The following ABCG2 variants were observed in gnomAD, a reference collection of about 807,000 sequenced individuals.
The protein encoded by ABCG2 is ATP binding cassette subfamily G member 2 (JR blood group), also known as broad substrate specificity ATP-binding cassette transporter ABCG2.
A neutral mutation model predicts 73.5 loss-of-function variants in ABCG2; 80 were observed. That is an observed-to-expected ratio of 1.09 (90% confidence interval 0.91 to 1.31). ABCG2 has a LOEUF of 1.31. Among genes scored for constraint, ABCG2 ranks in the 50% most tolerant of loss-of-function variants. ABCG2 has a pLI of 0.00. For synonymous variants in ABCG2, 269 were observed against 282.4 expected (o/e 0.95, Z 0.48); for missense variants, 796 against 786.2 (o/e 1.01, Z -0.15).
intron 1 of ABCG2, among the ~76,000 whole-genome samples, chr4:88,182,533 T>A (rs1456524897): frequency 6.6e-6 from 1 of 151,824 alleles, no homozygotes; most frequent in African/African-American, 2.4e-5. Flanking sequence ...CAAAAAAAAA[T>A]CACAATTACC....
rs548718998 is a variant in ABCG2, at chr4:88,102,817, C to A, written c.1278-1498G>T. Among the ~76,000 whole-genome samples the A allele has an allele frequency of 2.6e-5, 4 of 151,958 alleles. No homozygotes were observed. In the East Asian group the frequency reaches 7.7e-4, roughly 29 times the overall value. On this transcript the variant is annotated intron_variant, in intron 10 of 15. Transcript: ENST00000237612. Reference sequence around the variant, plus strand: ...AAGAGAACATTTTAAAAAATGCAAACCCAAGTGAACAACACAATTACATTA... The same window carrying A: ...AAGAGAACATTTTAAAAAATGCAAAACCAAGTGAACAACACAATTACATTA...
At chr4:88,110,243 T>C (rs1179496542) in intron 9 of ABCG2, among the ~76,000 whole-genome samples, 1 of 152,182 alleles carries the variant, frequency 6.6e-6, no homozygotes, top group African/African-American at 2.4e-5. Flanking sequence ...TTACCTTTTT[T>C]TTTAAGATAG....
At chr4:88,192,190 A>G (rs1728717695) in intron 1 of ABCG2, among the ~76,000 whole-genome samples, 1 of 152,026 alleles carries the variant, frequency 6.6e-6, no homozygotes, top group South Asian at 2.1e-4. Context: ...CAAGAAAAAA[A>G]AAAAAAAGAA....
upstream of ABCG2, among the ~76,000 whole-genome samples, chr4:88,161,946 GT>G (rs1249727135): frequency 6.7e-6 from 1 of 149,052 alleles, no homozygotes; most frequent in African/African-American, 2.5e-5. Context: ...TTCTTCATGT[GT>G]TTTTTGGCTG....
At chr4:88,095,058 C>T (rs1429162013) in intron 14 of ABCG2, among the ~76,000 whole-genome samples, 1 of 152,182 alleles carries the variant, frequency 6.6e-6, no homozygotes, top group Non-Finnish European at 1.5e-5. Context: ...AGTTGTAATT[C>T]TTGGATGTTA....
At chr4:88,112,713 C>T (rs960440498) in intron 9 of ABCG2, among the ~76,000 whole-genome samples, 8 of 152,132 alleles carry the variant, frequency 5.3e-5, no homozygotes, top group Non-Finnish European at 1.0e-4. Context: ...GCTGACACTT[C>T]TTTCACAATT....
intron 7 of ABCG2, among the ~76,000 whole-genome samples, chr4:88,115,761 C>A (rs1723534904): frequency 1.3e-5 from 2 of 152,042 alleles, no homozygotes; most frequent in South Asian, 4.2e-4. Context: ...TGGTGCTTAA[C>A]AGTACTTCCT....
intron 1 of ABCG2, 138 bp from the exon 2 acceptor site, chr4:88,140,152 C>T (rs1725532179): frequency 4.1e-6 from 3 of 724,776 alleles, no homozygotes; most frequent in East Asian, 5.5e-5. Flanking sequence ...TGGCCCATAC[C>T]ATTGTGATAA....
rs1479738153 is a variant in ABCG2 at position 88,091,122 on chromosome 4, T to C, written c.*1112A>G. 6.6e-6 allele frequency: 1 copy of C among 152,170 alleles called. No individual in the cohort carries two copies. Among genetic ancestry groups the C allele is most frequent in the Middle Eastern group, 3.1e-3 (1 of 318 alleles). 9.4% of individuals were successfully genotyped at this position (152,170 alleles called of 1,614,324 possible). A position where few individuals can be genotyped will look rare whatever the true frequency, so the allele number is the denominator to read the frequency against. On this transcript the variant is annotated 3_prime_UTR_variant, in exon 16 of 16. Coordinates refer to ENST00000237612, the MANE Select transcript of ABCG2 (RefSeq NM_004827.3). The stretch of plus-strand genomic sequence containing the variant: ...AACCCAGGGGTAAGGAAGGAAGTAG[T>C]GACTGGGAGAATGGCTGAGTAGGCT...
rs574003130 is a variant in ABCG2 at position 88,113,136 on chromosome 4, A to G, written c.1194+167T>C. 9.7e-4 allele frequency among the ~76,000 whole-genome samples: 148 copies of G among 152,302 alleles called. 1 individual carries two copies. The highest frequency in any genetic ancestry group is 3.4e-3 in the African/African-American group (142 of 41,572). On this transcript the variant is annotated intron_variant, in intron 9 of 15. Transcript: ENST00000237612. ...AAAAAAAGGGAAGCTTTCCAAAAGTAAAACTTAATTGTCCTTTATTTGTTC... is the reference window on the plus strand; with the variant it reads ...AAAAAAAGGGAAGCTTTCCAAAAGTGAAACTTAATTGTCCTTTATTTGTTC...
intron 7 of ABCG2, among the ~76,000 whole-genome samples, chr4:88,117,605 C>G (rs542312468): frequency 1.9e-4 from 29 of 152,264 alleles, no homozygotes; most frequent in African/African-American, 6.5e-4. Flanking sequence ...TCACTGCACT[C>G]CAGCCTGGGC....
At chr4:88,104,298 A>G (rs1722628916) in intron 10 of ABCG2, among the ~76,000 whole-genome samples, 1 of 152,208 alleles carries the variant, frequency 6.6e-6, no homozygotes, top group South Asian at 2.1e-4. Context: ...AAAGAAGAGA[A>G]CTAAACCACT....
intron 1 of ABCG2, among the ~76,000 whole-genome samples, chr4:88,195,510 C>T (rs1428599032): frequency 6.6e-6 from 1 of 152,134 alleles, no homozygotes; most frequent in Admixed American, 6.6e-5. Flanking sequence ...TCTGCAGCAA[C>T]CTCAGTTCTT....
intron 1 of ABCG2, among the ~76,000 whole-genome samples, chr4:88,158,048 C>T (rs932791101): frequency 6.6e-6 from 1 of 152,190 alleles, no homozygotes; most frequent in Non-Finnish European, 1.5e-5. Flanking sequence ...ACAAATGTTT[C>T]CTCCACCTAT....
chr4:88,097,542 C>G lies in ABCG2; in HGVS notation c.1558G>C (p.Ala520Pro). Residue 520 changes from alanine to proline, a missense_variant, in exon 13 of 16, where the codon GCC (alanine) becomes CCC (proline). By Grantham distance (27) the Ala-to-Pro change is conservative. Transcript: ENST00000237612. ...GCTATGGCCAGTGCCATGGAACTGG[C>G]TGAATAAGCCACCATCATAAGGGTA... ...MFTLMMVAYSASSMALAIAAG... is the reference protein window; with the variant it reads ...MFTLMMVAYSPSSMALAIAAG... 6.2e-7 allele frequency: 1 copy of G among 1,614,192 alleles called. No individual in the cohort carries two copies. The highest frequency in any genetic ancestry group is 8.5e-7 in the Non-Finnish European group (1 of 1,180,016).
At chr4:88,151,536 A>G (rs1047031467) in intron 1 of ABCG2, among the ~76,000 whole-genome samples, 2 of 152,180 alleles carry the variant, frequency 1.3e-5, no homozygotes, top group African/African-American at 4.8e-5. Flanking sequence ...CAGGAGATCA[A>G]GACCATCCTG....
At chr4:88,157,861 T>C (rs974476563) in intron 1 of ABCG2, among the ~76,000 whole-genome samples, 6 of 152,296 alleles carry the variant, frequency 3.9e-5, no homozygotes, top group African/African-American at 1.4e-4. Context: ...TCTCTAGGAC[T>C]GAGAAGGGAG....
At chr4:88,197,313 T>C (rs1728977037) in intron 1 of ABCG2, among the ~76,000 whole-genome samples, 1 of 151,570 alleles carries the variant, frequency 6.6e-6, no homozygotes, top group Non-Finnish European at 1.5e-5. Context: ...GAATTAAAAA[T>C]AACTATGATT....
At chr4:88,184,154 C>A (rs1223400573) in intron 1 of ABCG2, among the ~76,000 whole-genome samples, 1 of 152,094 alleles carries the variant, frequency 6.6e-6, no homozygotes, top group Non-Finnish European at 1.5e-5. Flanking sequence ...TGGAACAAAA[C>A]AAGGATGCCC....
Sources: allele counts gnomAD v4.1 joint callset (sites outside exome capture counted in the v4.1 genomes callset), GRCh38; gene constraint gnomAD v4.1.1; transcripts MANE v1.5; gene names NCBI Gene and HGNC (gene_info 2026-07-23, HGNC 2026-07-21).